The following MACO1 variants were observed in gnomAD, a reference collection of about 807,000 sequenced individuals.
MACO1 encodes the protein macoilin 1.
MACO1 carries 14 observed loss-of-function variants against 78.7 expected under a neutral mutation model. That is an observed-to-expected ratio of 0.18 (90% CI 0.12 to 0.28). The LOEUF (loss-of-function observed/expected upper bound fraction) is 0.28. MACO1 is among the 10% of genes least tolerant of loss of function. The pLI is 1.00. For synonymous variants in MACO1, 288 were observed against 291.6 expected, an observed-to-expected ratio of 0.99 and a Z score of 0.12; for missense variants, 501 against 799.0, an observed-to-expected ratio of 0.63 and a Z score of 4.50.
In MACO1 at chr1:25,481,864, G is replaced by A. The variant is rs148170073; in HGVS notation, c.1155-2252G>A. On this transcript the variant is annotated intron_variant, in intron 6 of 10. Transcript: ENST00000374343. ...TTGGAACAAAAGGTTTCTAGGCCAT[G>A]CTCCCAGGCACTGGACAGGAGGACT... 2.6e-5 allele frequency among the ~76,000 whole-genome samples: 4 copies of A among 152,344 alleles called. No individual in the cohort carries two copies. In the East Asian group the frequency reaches 7.7e-4, roughly 29 times the overall value.
rs996221557 is a variant in MACO1 at position 25,484,103 on chromosome 1, C to T, written c.1155-13C>T. On this transcript the variant is annotated splice_polypyrimidine_tract_variant and intron_variant, in intron 6 of 10. Coordinates refer to ENST00000374343, the MANE Select transcript of MACO1 (RefSeq NM_018202.6). ...TCACCTAGATGAAAATGCTGCATTT[C>T]TCATTCTCCTAGGCTGGAACAAGAC... is the stretch of plus-strand genomic sequence containing the variant. 10 of 1,599,540 alleles carry T rather than the reference C, an allele frequency of 6.3e-6. No individual in the cohort carries two copies. Among genetic ancestry groups the T allele is most frequent in the Admixed American group, 1.8e-5 (1 of 56,716 alleles).
intron 10 of MACO1, 121 bp downstream of exon 10, chr1:25,491,705 G>T (rs1431351741): frequency 8.3e-6 from 6 of 725,206 alleles, no homozygotes; most frequent in Non-Finnish European, 1.4e-5. Context: ...CAAGAGTCTT[G>T]GTAAGTGCCC....
At chr1:25,455,655 A>T (rs1412216240) in intron 4 of MACO1, among the ~76,000 whole-genome samples, 1 of 152,172 alleles carries the variant, frequency 6.6e-6, no homozygotes, top group Admixed American at 6.5e-5. Flanking sequence ...TATCCCAGAG[A>T]TTAGAGTTCT....
intron 1 of MACO1, among the ~76,000 whole-genome samples, chr1:25,437,655 G>A (rs920194369): frequency 6.6e-6 from 1 of 152,180 alleles, no homozygotes; most frequent in African/African-American, 2.4e-5. Flanking sequence ...GGCCGGGTGT[G>A]ATGGCTGTAA....
chr1:25,465,746 T>A lies in MACO1; in HGVS notation c.1154+6854T>A, dbSNP rs568973637. On this transcript the variant is annotated intron_variant, in intron 6 of 10. Coordinates refer to ENST00000374343, the MANE Select transcript of MACO1 (RefSeq NM_018202.6). ...TACATTTTACCTGTTAACCAACTTC[T>A]CATTATCGACCCTCCTTCTACCCCC... Among the ~76,000 whole-genome samples the A allele has an allele frequency of 4.6e-5, 7 of 152,358 alleles. No individual in the cohort carries two copies. The South Asian group carries it at 1.4e-3, about 32-fold the overall frequency.
intron 3 of MACO1, among the ~76,000 whole-genome samples, chr1:25,453,493 C>T (rs2043086510): frequency 6.6e-6 from 1 of 150,482 alleles, no homozygotes; most frequent in South Asian, 2.1e-4. Context: ...GAAACCCTGT[C>T]TCTACTAAAA....
intron 4 of MACO1, 90 bp from the exon 5 acceptor site, chr1:25,456,563 A>T: frequency 7.5e-7 from 1 of 1,326,018 alleles, no homozygotes; most frequent in Non-Finnish European, 1.0e-6. Context: ...ATTTATTTTT[A>T]ATTTTTAAGC....
intron 10 of MACO1, among the ~76,000 whole-genome samples, chr1:25,493,727 C>CTTTTTTTTTTT (rs1189775109): frequency 1.1e-5 from 1 of 92,064 alleles, no homozygotes; most frequent in African/African-American, 4.6e-5. Flanking sequence ...TAGTTTGATT[C>CTTTTTTTTTTT]TTTTTTTTTT....
chr1:25,441,315 A>G (rs1228445868), intron 1 of MACO1, among the ~76,000 whole-genome samples: 1 of 151,860 alleles, frequency 6.6e-6, no homozygotes, highest in Non-Finnish European at 1.5e-5. Flanking sequence ...TTCAGCCTCC[A>G]GAGTAGCTGG....
intron 6 of MACO1, among the ~76,000 whole-genome samples, chr1:25,462,935 A>G (rs534592265): frequency 3.5e-4 from 53 of 152,322 alleles, no homozygotes; most frequent in Non-Finnish European, 1.2e-4. Context: ...TTTTACTGGA[A>G]CACAGCCACT....
At chr1:25,437,912 C>T (rs972888971) in intron 1 of MACO1, among the ~76,000 whole-genome samples, 2 of 151,888 alleles carry the variant, frequency 1.3e-5, no homozygotes, top group African/African-American at 4.8e-5. Flanking sequence ...TAGAGCAAGA[C>T]CCTGTGTCAA....
chr1:25,448,099 CCTGTCTTTTAAGAATGAAG>C (rs780800754), intron 2 of MACO1, among the ~76,000 whole-genome samples: 15 of 152,198 alleles, frequency 9.9e-5, no homozygotes, highest in Non-Finnish European at 1.9e-4. Flanking sequence ...CTCCAGACAG[CCTGTCTTTTAAGAATGAAG>C]CTCTTTAGGA....
intron 6 of MACO1, among the ~76,000 whole-genome samples, chr1:25,465,828 T>G (rs941909180): frequency 1.3e-5 from 2 of 152,202 alleles, no homozygotes; most frequent in Non-Finnish European, 2.9e-5. Context: ...GTGTACACAT[T>G]TTTTAGCACC....
rs539475488 is a variant in MACO1 at position 25,447,012 on chromosome 1, G to C, written c.222+109G>C. ...ATGTTAGGATTAGCTAATAGGGTCT[G>C]TTAACTGAAATTGACCTCTAAACTA... On this transcript the variant is annotated intron_variant, in intron 2 of 10. Coordinates refer to ENST00000374343, the MANE Select transcript of MACO1 (RefSeq NM_018202.6). 24 of 1,317,688 alleles carry C rather than the reference G, an allele frequency of 1.8e-5. No individual in the cohort carries two copies. In the East Asian group the frequency reaches 4.9e-4, roughly 27 times the overall value. The allele number at this position is 1,317,688 out of a possible 1,614,324, so 81.6% of individuals were successfully genotyped here.
intron 1 of MACO1, among the ~76,000 whole-genome samples, chr1:25,437,741 G>A (rs1466780419): frequency 7.2e-5 from 11 of 152,108 alleles, no homozygotes; most frequent in South Asian, 2.1e-4. Context: ...GTAACATAGC[G>A]AGACCTCATC....
In MACO1 at chr1:25,480,576, G is replaced by A. The variant is rs563020837; in HGVS notation, c.1155-3540G>A. On this transcript the variant is annotated intron_variant, in intron 6 of 10. Transcript: ENST00000374343. ...CCTGTAACCACTTCATTTTATTTTT[G>A]TTGTATTGTGCCACTGTTAGTCTTT... Among the ~76,000 whole-genome samples, 77 of 152,002 alleles carry A rather than the reference G, an allele frequency of 5.1e-4. 2 individuals are homozygous for A. Among genetic ancestry groups the A allele is most frequent in the Non-Finnish European group, 5.9e-4 (40 of 67,974 alleles).
chr1:25,446,718 T>C, intron 1 of MACO1, 44 bp from the exon 2 acceptor site: 1 of 1,519,588 alleles, frequency 6.6e-7, no homozygotes, highest in Non-Finnish European at 8.8e-7. Context: ...TTCTAGTTAT[T>C]CACAAATGAC....
At chr1:25,477,425 C>A (rs1381692649) in intron 6 of MACO1, among the ~76,000 whole-genome samples, 4 of 152,170 alleles carry the variant, frequency 2.6e-5, no homozygotes, top group Non-Finnish European at 4.4e-5. Flanking sequence ...TTTGAAGCCC[C>A]TTCTCCTACA....
chr1:25,468,833 T>A (rs2043241353), intron 6 of MACO1, among the ~76,000 whole-genome samples: 1 of 151,582 alleles, frequency 6.6e-6, no homozygotes, highest in African/African-American at 2.4e-5. Flanking sequence ...CACTGAGGAG[T>A]GTTTTTTGGT....
Sources: allele counts gnomAD v4.1 joint callset (sites outside exome capture counted in the v4.1 genomes callset), GRCh38; gene constraint gnomAD v4.1.1; transcripts MANE v1.5; gene names NCBI Gene and HGNC (gene_info 2026-07-23, HGNC 2026-07-21).